The following ROR1 variants were observed in gnomAD, a reference collection of about 807,000 sequenced individuals.
The protein encoded by ROR1 is inactive tyrosine-protein kinase transmembrane receptor ROR1.
In ROR1, 19 loss-of-function variants were observed where a neutral mutation model predicts 78.8. The observed-to-expected ratio is 0.24, with a 90% CI of 0.17 to 0.35. The LOEUF (loss-of-function observed/expected upper bound fraction) is 0.35, where lower values mean the gene tolerates loss of function less well. Among genes scored for constraint, ROR1 ranks in the 10% least tolerant of loss-of-function variants. The pLI is 1.00. For missense variants in ROR1, 917 were observed against 1,177.8 expected, an observed-to-expected ratio of 0.78 and a Z score of 3.24; for synonymous variants, 386 against 433.6, an observed-to-expected ratio of 0.89 and a Z score of 1.36.
At chr1:64,167,234 G>T (rs1465674585) in intron 8 of ROR1, among the ~76,000 whole-genome samples, 1 of 152,130 alleles carries the variant, frequency 6.6e-6, no homozygotes, top group Non-Finnish European at 1.5e-5. Flanking sequence ...AAAATTACTG[G>T]CATCTGTTCT....
chr1:63,845,369 T>C (rs1407488812), intron 1 of ROR1, among the ~76,000 whole-genome samples: 2 of 152,220 alleles, frequency 1.3e-5, no homozygotes, highest in East Asian at 3.8e-4. Flanking sequence ...TGGAAAATAC[T>C]GATAAACGAA....
rs2100747759 is a variant in ROR1, at chr1:64,178,786, G to A, written c.2745G>A (p.Lys915=). The A allele has an allele frequency of 6.2e-7, 1 of 1,614,088 alleles. No individual in the cohort carries two copies. Among genetic ancestry groups the A allele is most frequent in the East Asian group, 2.2e-5 (1 of 44,872 alleles). Residue 915 remains lysine (K), a synonymous_variant, in exon 9 of 9, where the codon AAG becomes AAA. Coordinates refer to ENST00000371079, the MANE Select transcript of ROR1 (RefSeq NM_005012.4). This position sits in a 1 kb window ranked among gnomAD's most constrained non-coding sequence, Gnocchi z 4.3. The part of the protein sequence containing the change: ...KSQKPYKIDS[K]QASLLGDANI... ...AAAAACCCTACAAAATTGACTCAAA[G>A]CAAGCATCTTTACTAGGAGACGCCA...
At chr1:64,066,793 T>C (rs1646959621) in intron 4 of ROR1, 1 of 152,180 alleles carries the variant, frequency 6.6e-6, no homozygotes, top group Non-Finnish European at 1.5e-5. Context: ...TTTTAATATA[T>C]ATTTTATTTA....
intron 1 of ROR1, among the ~76,000 whole-genome samples, chr1:63,963,043 G>A (rs1646044604): frequency 1.3e-5 from 2 of 152,130 alleles, no homozygotes; most frequent in South Asian, 4.1e-4. Flanking sequence ...CTAGATAGAC[G>A]ATAGTGCCTG....
intron 1 of ROR1, among the ~76,000 whole-genome samples, chr1:63,932,310 G>T (rs546951390): frequency 1.3e-5 from 2 of 152,230 alleles, no homozygotes; most frequent in African/African-American, 2.4e-5. Flanking sequence ...TGGAGAGGAA[G>T]TGGGTTGATG....
intron 7 of ROR1, among the ~76,000 whole-genome samples, chr1:64,146,195 G>T (rs949383884): frequency 4.6e-5 from 7 of 152,192 alleles, no homozygotes; most frequent in African/African-American, 1.7e-4. Flanking sequence ...AAAGAAATGG[G>T]CTGGGCTTGG....
At chr1:64,029,182 C>T (rs1646640045) in intron 2 of ROR1, among the ~76,000 whole-genome samples, 1 of 152,126 alleles carries the variant, frequency 6.6e-6, no homozygotes, top group African/African-American at 2.4e-5. Context: ...TACCATCCTT[C>T]TGTGAATAGT....
At chr1:63,903,678 T>C (rs1645503616) in intron 1 of ROR1, among the ~76,000 whole-genome samples, 1 of 152,028 alleles carries the variant, frequency 6.6e-6, no homozygotes. Context: ...TTTTGCAAAA[T>C]GTGCACAGAT....
chr1:63,873,771 A>C (rs1341733955), intron 1 of ROR1, among the ~76,000 whole-genome samples: 1 of 152,192 alleles, frequency 6.6e-6, no homozygotes, highest in Admixed American at 6.5e-5. Flanking sequence ...GCAAAACTAA[A>C]ATAAGCATGA....
At chr1:64,140,479 G>A in intron 6 of ROR1, 53 bp downstream of exon 6, 1 of 1,541,188 alleles carries the variant, frequency 6.5e-7, no homozygotes, top group Non-Finnish European at 8.9e-7. Context: ...GCAACCTGTT[G>A]GCACAGGGAA....
intron 1 of ROR1, among the ~76,000 whole-genome samples, chr1:63,984,238 C>G (rs1337446457): frequency 6.6e-6 from 1 of 152,128 alleles, no homozygotes; most frequent in Non-Finnish European, 1.5e-5. Flanking sequence ...TGAAGCGTAC[C>G]CAGACTTCTC....
At chr1:64,069,560 T>C (rs1282110832) in intron 4 of ROR1, among the ~76,000 whole-genome samples, 1 of 151,540 alleles carries the variant, frequency 6.6e-6, no homozygotes, top group Non-Finnish European at 1.5e-5. Context: ...ATGTGTGTGA[T>C]TGGGTGATCA....
intron 1 of ROR1, among the ~76,000 whole-genome samples, chr1:63,895,514 A>G (rs1426933308): frequency 6.6e-6 from 1 of 152,192 alleles, no homozygotes; most frequent in Non-Finnish European, 1.5e-5. Context: ...AGTCAGGGTG[A>G]GGTTTTGGCA....
chr1:64,021,041 A>AT (rs1034277345), intron 2 of ROR1, among the ~76,000 whole-genome samples: 1 of 151,050 alleles, frequency 6.6e-6, no homozygotes, highest in Admixed American at 6.6e-5. Flanking sequence ...AAAAAAAAAA[A>AT]ATGCCCCAAG....
chr1:64,030,838 C>T (rs1298094023), intron 2 of ROR1, among the ~76,000 whole-genome samples: 1 of 151,990 alleles, frequency 6.6e-6, no homozygotes, highest in African/African-American at 2.4e-5. Context: ...TACATTGTTT[C>T]ATGTATGTTG....
At chr1:63,793,545 A>G (rs1472613190) in intron 1 of ROR1, among the ~76,000 whole-genome samples, 1 of 152,254 alleles carries the variant, frequency 6.6e-6, no homozygotes, top group Non-Finnish European at 1.5e-5. Context: ...ATGATCGATG[A>G]ACACCTACTA....
intron 1 of ROR1, among the ~76,000 whole-genome samples, chr1:63,965,177 T>C (rs1374880943): frequency 2.6e-5 from 4 of 152,128 alleles, no homozygotes. Context: ...AGTTAAGAAA[T>C]TTGCCCAACG....
At chr1:64,000,724 T>C (rs1340829986) in intron 1 of ROR1, among the ~76,000 whole-genome samples, 2 of 152,190 alleles carry the variant, frequency 1.3e-5, no homozygotes, top group African/African-American at 2.4e-5. Context: ...CCATGGTCTT[T>C]CTAATACATA....
intron 1 of ROR1, among the ~76,000 whole-genome samples, chr1:63,986,067 G>T (rs1178245347): frequency 6.6e-6 from 1 of 152,068 alleles, no homozygotes; most frequent in East Asian, 1.9e-4. Context: ...TTGCTTTTGG[G>T]ATACTGAAAG....
Sources: gnomAD v4.1 joint callset for allele counts (sites outside exome capture counted in the v4.1 genomes callset) on GRCh38, gnomAD v4.1.1 for gene constraint, Gnocchi (gnomAD v3.1) non-coding constraint, MANE v1.5 for transcripts, NCBI Gene and HGNC (gene_info 2026-07-23, HGNC 2026-07-21) for gene names.